AKAP6: variants seen among roughly 807,000 people sequenced by gnomAD.
AKAP6 encodes A-kinase anchor protein 6.
A neutral mutation model predicts 188.5 loss-of-function variants in AKAP6; 58 were observed. The observed-to-expected ratio is 0.31, with a 90% confidence interval of 0.25 to 0.38. The LOEUF (loss-of-function observed/expected upper bound fraction) is 0.38, where lower values mean the gene tolerates loss of function less well. AKAP6 is among the 10% of genes least tolerant of loss of function. The probability of loss-of-function intolerance (pLI) is 1.00; values close to 1 mark genes in which losing one functional copy is unlikely to be tolerated. For missense variants in AKAP6, 2,710 were observed against 2,740.0 expected, an observed-to-expected ratio of 0.99 and a Z score of 0.24; for synonymous variants, 989 against 998.6, an observed-to-expected ratio of 0.99 and a Z score of 0.18.
At chr14:32,557,651 A>G (rs995475228) in intron 4 of AKAP6, among the ~76,000 whole-genome samples, 2 of 152,166 alleles carry the variant, frequency 1.3e-5, no homozygotes, top group African/African-American at 4.8e-5. Context: ...ATGATCTCTT[A>G]TGAGTATCCT....
At chr14:32,439,105 T>TG (rs1458355395) in intron 2 of AKAP6, 3 of 152,192 alleles carry the variant, frequency 2.0e-5, no homozygotes, top group Non-Finnish European at 4.4e-5. Context: ...GATTGTGACA[T>TG]GACTCTCAAA....
Position 32,546,715 on chromosome 14 carries a change from A to G in AKAP6, c.2062A>G (p.Lys688Glu). 1 of 1,614,142 alleles carries G rather than the reference A, an allele frequency of 6.2e-7. No homozygotes were observed. The highest frequency in any genetic ancestry group is 8.5e-7 in the Non-Finnish European group (1 of 1,180,018). Residue 688 changes from lysine (K) to glutamate (E), a missense_variant, in exon 4 of 14, where the codon AAG becomes GAG. Lys to Glu is a moderately conservative substitution (Grantham distance 56). This residue lies in a region of AKAP6 where 2,473 missense variants were observed against 2,426.1 expected (regional missense o/e 1.02). Coordinates refer to ENST00000280979, the MANE Select transcript of AKAP6 (RefSeq NM_004274.5). ...AATCTATCCAACCTATCATGTCAAAAAGAAGCATACAAGGCTAGGCAGGGT... is the reference window on the plus strand; with the variant it reads ...AATCTATCCAACCTATCATGTCAAAGAGAAGCATACAAGGCTAGGCAGGGT... ...SEIYPTYHVK[K>E]KHTRLGRVSP...
At chr14:32,453,282 C>T (rs1426217227) in intron 2 of AKAP6, among the ~76,000 whole-genome samples, 1 of 152,180 alleles carries the variant, frequency 6.6e-6, no homozygotes, top group African/African-American at 2.4e-5. Flanking sequence ...GTTCAAACTG[C>T]TGACATGTGG....
chr14:32,719,361 T>A (rs2030404967), intron 9 of AKAP6, among the ~76,000 whole-genome samples: 1 of 152,122 alleles, frequency 6.6e-6, no homozygotes, highest in Admixed American at 6.6e-5. Flanking sequence ...GAAAAGATAG[T>A]TTTTTGATGA....
chr14:32,782,680 A>T (rs981503301), intron 12 of AKAP6, among the ~76,000 whole-genome samples: 5 of 152,184 alleles, frequency 3.3e-5, no homozygotes, highest in African/African-American at 7.2e-5. Context: ...ATGCTTAGGG[A>T]TGTATCTAAC....
intron 2 of AKAP6, among the ~76,000 whole-genome samples, chr14:32,436,916 ACT>A (rs1890399298): frequency 6.6e-6 from 1 of 152,114 alleles, no homozygotes; most frequent in African/African-American, 2.4e-5. Context: ...ACAAAGTGAG[ACT>A]CTGTCTCAAA....
At chr14:32,588,810 T>C (rs1885360017) in intron 5 of AKAP6, among the ~76,000 whole-genome samples, 1 of 152,216 alleles carries the variant, frequency 6.6e-6, no homozygotes, top group African/African-American at 2.4e-5. Context: ...GATATATGCA[T>C]GCATTTATCA....
chr14:32,588,013 G>A (rs1885325641), intron 5 of AKAP6, among the ~76,000 whole-genome samples: 1 of 152,138 alleles, frequency 6.6e-6, no homozygotes, highest in African/African-American at 2.4e-5. Flanking sequence ...ATGGAACTTT[G>A]CTTAAAGAAA....
intron 11 of AKAP6, among the ~76,000 whole-genome samples, chr14:32,758,472 G>A (rs533871495): frequency 2.0e-4 from 31 of 152,316 alleles, no homozygotes; most frequent in African/African-American, 7.2e-4. Context: ...AATGGCTCAC[G>A]CCTGTAATCC....
chr14:32,579,186 G>A (rs1209284450), intron 5 of AKAP6, among the ~76,000 whole-genome samples: 2 of 152,092 alleles, frequency 1.3e-5, no homozygotes, highest in Non-Finnish European at 2.9e-5. Context: ...CGTAACGAAC[G>A]GCAATATCTG....
intron 12 of AKAP6, among the ~76,000 whole-genome samples, chr14:32,779,240 T>A (rs1445000089): frequency 1.3e-5 from 2 of 150,176 alleles, no homozygotes; most frequent in African/African-American, 2.4e-5. Flanking sequence ...TACAAAAAAA[T>A]AAAAATAAAA....
intron 12 of AKAP6, among the ~76,000 whole-genome samples, chr14:32,814,615 CCACAG>C (rs2034331343): frequency 6.6e-6 from 1 of 152,194 alleles, no homozygotes; most frequent in Admixed American, 6.5e-5. Context: ...CGTGATTTTG[CCACAG>C]CACAGTTTAC....
rs1443121484 is a variant in AKAP6 at position 32,510,402 on chromosome 14, A to ATATATG, written c.325-25151_325-25150insATATGT. Among the ~76,000 whole-genome samples, 10 of 129,156 alleles carry ATATATG rather than the reference A, an allele frequency of 7.7e-5. 1 individual carries two copies. Among genetic ancestry groups the ATATATG allele is most frequent in the African/African-American group, 2.8e-4 (9 of 32,380 alleles). The allele number at this position is 129,156 out of a possible 152,430, so 84.7% of individuals were successfully genotyped here. A position where few individuals can be genotyped will look rare whatever the true frequency, so the allele number is the denominator to read the frequency against. On this transcript the variant is annotated intron_variant, in intron 2 of 13. Transcript: ENST00000280979. Reference sequence around the variant, plus strand: ...TGTGTATATATATATGTGTATATATATGTATATATATGTATATATATACAT... The same window carrying ATATATG: ...TGTGTATATATATATGTGTATATATATATATGTGTATATATATGTATATATATACAT...
intron 9 of AKAP6, among the ~76,000 whole-genome samples, chr14:32,707,573 G>A (rs1163079167): frequency 1.3e-5 from 2 of 152,042 alleles, no homozygotes; most frequent in Non-Finnish European, 1.5e-5. Context: ...TCCACGTGGA[G>A]GATTCGTGTT....
intron 1 of AKAP6, among the ~76,000 whole-genome samples, chr14:32,379,249 A>G (rs1344704395): frequency 6.6e-6 from 1 of 152,134 alleles, no homozygotes; most frequent in African/African-American, 2.4e-5. Context: ...CTTCAGTATG[A>G]AATTACTTCA....
At chr14:32,626,485 G>T (rs1009671517) in intron 7 of AKAP6, among the ~76,000 whole-genome samples, 1 of 152,070 alleles carries the variant, frequency 6.6e-6, no homozygotes, top group African/African-American at 2.4e-5. Context: ...TTAAAAAGAT[G>T]TTGACAATTT....
intron 1 of AKAP6, among the ~76,000 whole-genome samples, chr14:32,336,363 A>C (rs1886701351): frequency 6.6e-6 from 1 of 152,078 alleles, no homozygotes; most frequent in Non-Finnish European, 1.5e-5. Context: ...CAATTCTGAT[A>C]CTCACTATGT....
chr14:32,534,652 G>A (rs1882582529), intron 2 of AKAP6, among the ~76,000 whole-genome samples: 1 of 151,972 alleles, frequency 6.6e-6, no homozygotes, highest in South Asian at 2.1e-4. Context: ...GCAAAGTGTG[G>A]GTTGAAAATT....
chr14:32,763,001 A>G (rs950686342), intron 11 of AKAP6, among the ~76,000 whole-genome samples: 3 of 152,102 alleles, frequency 2.0e-5, no homozygotes, highest in African/African-American at 2.4e-5. Flanking sequence ...AAATATTTTT[A>G]TTTTAAATGG....
Sources: allele counts gnomAD v4.1 joint callset (sites outside exome capture counted in the v4.1 genomes callset), GRCh38; gene constraint gnomAD v4.1.1; regional missense constraint gnomAD v4.1.1; transcripts MANE v1.5; gene names NCBI Gene and HGNC (gene_info 2026-07-23, HGNC 2026-07-21).